FKBP5: variants seen among roughly 807,000 people sequenced by gnomAD.
The protein encoded by FKBP5 is FKBP prolyl isomerase 5, also known as peptidyl-prolyl cis-trans isomerase FKBP5.
Under a neutral mutation model 50.5 loss-of-function variants are expected in FKBP5, and 23 were observed. That is an observed-to-expected ratio of 0.46 (90% CI 0.33 to 0.65). The LOEUF (loss-of-function observed/expected upper bound fraction) is 0.65. FKBP5 is among the 30% of genes least tolerant of loss of function. The pLI is 0.02. For synonymous variants in FKBP5, 176 were observed against 190.6 expected (o/e 0.92, Z 0.63); for missense variants, 411 against 553.1 (o/e 0.74, Z 2.58).
chr6:35,693,272 C>G (rs936756476), upstream of FKBP5, among the ~76,000 whole-genome samples: 1 of 148,708 alleles, frequency 6.7e-6, no homozygotes, highest in African/African-American at 2.5e-5. Flanking sequence ...ACACCATTCT[C>G]CTGCTTCAGC....
intron 1 of FKBP5, among the ~76,000 whole-genome samples, chr6:35,723,521 C>T (rs976788828): frequency 1.5e-4 from 23 of 151,946 alleles, no homozygotes; most frequent in African/African-American, 5.3e-4. Context: ...GGGAAAATTC[C>T]CAGAAGACTG....
intron 5 of FKBP5, among the ~76,000 whole-genome samples, chr6:35,603,058 T>G (rs1763196697): frequency 6.6e-6 from 1 of 152,232 alleles, no homozygotes; most frequent in Non-Finnish European, 1.5e-5. Context: ...GTTTCTTCAC[T>G]GATAGAATGT....
Position 35,669,519 on chromosome 6 carries a change from A to C in FKBP5, c.-20+19285T>G, listed in dbSNP as rs528029700. ...ATCATATATATGTTTTCCACAGTCT[A>C]AATACAATACATTTCCTGAACTTTT... On this transcript the variant is annotated intron_variant, in intron 1 of 10. Coordinates refer to ENST00000357266, the MANE Select transcript of FKBP5 (RefSeq NM_004117.4). Among the ~76,000 whole-genome samples, 24 of 152,286 alleles carry C rather than the reference A, an allele frequency of 1.6e-4. No individual in the cohort carries two copies. The East Asian group carries it at 4.0e-3, about 26-fold the overall frequency.
intron 1 of FKBP5, among the ~76,000 whole-genome samples, chr6:35,683,137 TG>T (rs1765726868): frequency 7.4e-6 from 1 of 134,610 alleles, no homozygotes; most frequent in Non-Finnish European, 1.6e-5. Context: ...TGTGTGTGTG[TG>T]TGTGTGTGTG....
intron 4 of FKBP5, among the ~76,000 whole-genome samples, chr6:35,619,436 T>C (rs1282944240): frequency 6.6e-6 from 1 of 151,280 alleles, no homozygotes; most frequent in Admixed American, 6.6e-5. Flanking sequence ...TCTAGAACTA[T>C]ATCCTAAGGG....
At chr6:35,721,613 G>C (rs1391184961) in intron 1 of FKBP5, among the ~76,000 whole-genome samples, 1 of 152,002 alleles carries the variant, frequency 6.6e-6, no homozygotes, top group African/African-American at 2.4e-5. Flanking sequence ...GCGCTACCAC[G>C]CCCGGCTAAT....
chr6:35,668,040 T>C (rs1295147061), intron 1 of FKBP5, among the ~76,000 whole-genome samples: 4 of 152,160 alleles, frequency 2.6e-5, no homozygotes. Context: ...GGGAAAAAAA[T>C]TATAGGAAAT....
In FKBP5 at chr6:35,606,482, C is replaced by T. The variant is rs373313683; in HGVS notation, c.509-9078G>A. 3.0e-4 allele frequency among the ~76,000 whole-genome samples: 45 copies of T among 151,514 alleles called. No homozygotes were observed. In the East Asian group the frequency reaches 8.0e-3, roughly 27 times the overall value. ...ACCATCCTGTCTAACACGGTGAAAC[C>T]CCGTCTCCACTAAAAATATTTTAAA... On this transcript the variant is annotated intron_variant, in intron 5 of 10. Coordinates refer to ENST00000357266, the MANE Select transcript of FKBP5 (RefSeq NM_004117.4).
chr6:35,682,397 T>C (rs1234256608), intron 1 of FKBP5, among the ~76,000 whole-genome samples: 1 of 152,220 alleles, frequency 6.6e-6, no homozygotes, highest in African/African-American at 2.4e-5. Context: ...ACATCTTGAC[T>C]TTCAAATTCA....
At chr6:35,705,258 ATTTTTTTTTTTTTTTTTT>A (rs199875825) in intron 2 of FKBP5, among the ~76,000 whole-genome samples, 2 of 7,766 alleles carry the variant, frequency 2.6e-4, no homozygotes, top group African/African-American at 1.9e-3. Flanking sequence ...ATATATATAT[ATTTTTTTTTTTTTTTTTT>A]TTTTTTTGGA....
intron 1 of FKBP5, among the ~76,000 whole-genome samples, chr6:35,649,623 G>C (rs567925173): frequency 3.9e-5 from 6 of 152,194 alleles, no homozygotes; most frequent in African/African-American, 1.4e-4. Context: ...TGTAGAGAGA[G>C]GCAAAAGTCA....
intron 5 of FKBP5, among the ~76,000 whole-genome samples, chr6:35,609,267 G>A (rs192088158): frequency 1.3e-5 from 2 of 151,358 alleles, no homozygotes; most frequent in Admixed American, 6.6e-5. Context: ...TATTTTTTTC[G>A]AAAAGAATAT....
At chr6:35,678,930 A>C (rs1007927682) in intron 1 of FKBP5, among the ~76,000 whole-genome samples, 1 of 152,176 alleles carries the variant, frequency 6.6e-6, no homozygotes, top group Admixed American at 6.6e-5. Context: ...AAAAAACTTA[A>C]AAATTAGCTG....
intron 1 of FKBP5, among the ~76,000 whole-genome samples, chr6:35,723,950 G>GC (rs1766657558): frequency 6.6e-6 from 1 of 152,234 alleles, no homozygotes; most frequent in Non-Finnish European, 1.5e-5. Flanking sequence ...CTAGTTTCTT[G>GC]CCCTTAGGCA....
At chr6:35,593,102 A>G (rs1171493408) in intron 6 of FKBP5, among the ~76,000 whole-genome samples, 1 of 152,230 alleles carries the variant, frequency 6.6e-6, no homozygotes, top group Non-Finnish European at 1.5e-5. Context: ...CCACGCCAAG[A>G]TATTCTGGCA....
At chr6:35,580,778 T>A in intron 8 of FKBP5, 1 of 798,208 alleles carries the variant, frequency 1.3e-6, no homozygotes, top group Non-Finnish European at 1.5e-6. Context: ...CCTGACCTTG[T>A]GATCCGCCTG....
intron 1 of FKBP5, among the ~76,000 whole-genome samples, chr6:35,652,196 G>C (rs1764820089): frequency 6.6e-6 from 1 of 152,176 alleles, no homozygotes; most frequent in Non-Finnish European, 1.5e-5. Flanking sequence ...AGCCGAGAAG[G>C]ATGTGTATCG....
chr6:35,576,124 G>T (rs1762203852), intron 10 of FKBP5, among the ~76,000 whole-genome samples, 182 bp from the exon 11 acceptor site: 4 of 152,152 alleles, frequency 2.6e-5, no homozygotes, highest in Admixed American at 2.6e-4. Flanking sequence ...ACCTTTCTTT[G>T]GTTGACACAT....
intron 3 of FKBP5, among the ~76,000 whole-genome samples, chr6:35,628,019 C>T (rs554911704): frequency 4.6e-5 from 7 of 151,354 alleles, no homozygotes; most frequent in African/African-American, 1.5e-4. Context: ...GTGATCCGCC[C>T]GCCTCGGCCT....
Sources: gnomAD v4.1 joint callset for allele counts (sites outside exome capture counted in the v4.1 genomes callset) on GRCh38, gnomAD v4.1.1 for gene constraint, MANE v1.5 for transcripts, NCBI Gene and HGNC (gene_info 2026-07-23, HGNC 2026-07-21) for gene names.